AARS1: variants seen among roughly 807,000 people sequenced by gnomAD.
The protein encoded by AARS1 is alanine--tRNA ligase, cytoplasmic.
A neutral mutation model predicts 108.9 loss-of-function variants in AARS1; 72 were observed. The ratio of observed to expected loss-of-function variants is 0.66; its 90% CI spans 0.55 to 0.80. The LOEUF is 0.80. Among genes scored for constraint, AARS1 ranks in the 30% least tolerant of loss-of-function variants. The probability of loss-of-function intolerance (pLI) is 0.00; values close to 1 mark genes in which losing one functional copy is unlikely to be tolerated. For missense variants in AARS1, 1,193 were observed against 1,233.2 expected, an observed-to-expected ratio of 0.97 and a Z score of 0.49; for synonymous variants, 489 against 465.7, an observed-to-expected ratio of 1.05 and a Z score of -0.64.
chr16:70,256,650 C>G (rs550892543), intron 15 of AARS1, among the ~76,000 whole-genome samples: 31 of 152,194 alleles, frequency 2.0e-4, no homozygotes, highest in Admixed American at 1.8e-3. Flanking sequence ...AGGGTATGAG[C>G]AAACAGGTAA....
rs202062460 is a variant in AARS1, at chr16:70,256,978, G to A, written c.2177+1055C>T. 3.9e-5 allele frequency among the ~76,000 whole-genome samples: 6 copies of A among 152,122 alleles called. No individual in the cohort carries two copies. In the East Asian group the frequency reaches 9.7e-4, roughly 25 times the overall value. On this transcript the variant is annotated intron_variant, in intron 15 of 20. Coordinates refer to ENST00000261772, the MANE Select transcript of AARS1 (RefSeq NM_001605.3). The stretch of plus-strand genomic sequence containing the variant: ...AAAAATACAAAATTAGGCCAGGCAC[G>A]GTGGCTCACACCTGTAATCCCAGCA...
At position 70,271,810 on chromosome 16, in the gene AARS1, G is replaced by C. The variant is rs758977241; in HGVS notation, c.642C>G (p.Ile214Met). ...TATACTGGATGAACACAAGGTTCCA[G>C]ATCTCCAGCACATTAGGGTCGTCCT... ...VNQDDPNVLE[I>M]WNLVFIQYNR... Residue 214 changes from isoleucine (I) to methionine (M), a missense_variant, in exon 5 of 21, where the codon ATC becomes ATG. By Grantham distance (10) the Ile-to-Met change is conservative (BLOSUM62 1). Coordinates refer to ENST00000261772, the MANE Select transcript of AARS1 (RefSeq NM_001605.3). The C allele has an allele frequency of 6.8e-6, 11 of 1,613,760 alleles. No individual in the cohort carries two copies. The highest frequency in any genetic ancestry group is 1.7e-5 in the Admixed American group (1 of 59,958).
intron 6 of AARS1, among the ~76,000 whole-genome samples, 196 bp from the exon 7 acceptor site, chr16:70,269,959 T>G (rs1960357189): frequency 6.6e-6 from 1 of 151,982 alleles, no homozygotes; most frequent in African/African-American, 2.4e-5. Context: ...TTATACTGTC[T>G]CAGGTCTAGA....
chr16:70,268,354 G>C lies in AARS1; in HGVS notation c.988C>G (p.Arg330Gly). Residue 330 changes from arginine (R) to glycine (G), a missense_variant, in exon 8 of 21, where the codon CGA (arginine) becomes GGA (glycine). By Grantham distance (125) the Arg-to-Gly change is moderately radical (BLOSUM62 -2). Coordinates refer to ENST00000261772, the MANE Select transcript of AARS1 (RefSeq NM_001605.3). Reference sequence around the variant, plus strand: ...TTTTCATGGGCGTATCGGACAGCTCGGCGGAGAATCCGTCTCAACACATAT... The same window carrying C: ...TTTTCATGGGCGTATCGGACAGCTCCGCGGAGAATCCGTCTCAACACATAT... ...RGYVLRRILR[R>G]AVRYAHEKLN... The C allele has an allele frequency of 6.2e-7, 1 of 1,614,132 alleles. No homozygotes were observed. Among genetic ancestry groups the C allele is most frequent in the Non-Finnish European group, 8.5e-7 (1 of 1,180,016 alleles).
At chr16:70,253,505 A>G (rs913190374) in intron 19 of AARS1, 124 bp from the exon 20 acceptor site, 13 of 1,067,640 alleles carry the variant, frequency 1.2e-5, no homozygotes, top group Non-Finnish European at 1.8e-5. Context: ...GGCTGTGCCC[A>G]GGGCCTGTGG....
chr16:70,258,468 T>G (rs1005394788), intron 14 of AARS1, among the ~76,000 whole-genome samples: 8 of 152,116 alleles, frequency 5.3e-5, no homozygotes, highest in African/African-American at 1.9e-4. Context: ...GCTCTGGTTC[T>G]CCCAAGGTGG....
At chr16:70,259,262 G>A (rs531124165) in intron 13 of AARS1, 76 bp from the exon 14 acceptor site, 21 of 1,456,208 alleles carry the variant, frequency 1.4e-5, no homozygotes, top group East Asian at 1.1e-4. Flanking sequence ...GCTCCCCCGA[G>A]TGCTACAATT....
chr16:70,270,175 T>A, intron 6 of AARS1, 21 bp downstream of exon 6: 1 of 1,614,016 alleles, frequency 6.2e-7, no homozygotes, highest in South Asian at 1.1e-5. Flanking sequence ...AAGTTTACAA[T>A]GTTTGCAATA....
At chr16:70,289,267 G>T (rs902775901) in intron 1 of AARS1, among the ~76,000 whole-genome samples, 154 bp downstream of exon 1, 4 of 152,142 alleles carry the variant, frequency 2.6e-5, no homozygotes, top group African/African-American at 9.7e-5. Context: ...CGAACGCAAG[G>T]CCACACTGTC....
At chr16:70,285,891 G>C (rs1960827613) in intron 1 of AARS1, among the ~76,000 whole-genome samples, 1 of 152,338 alleles carries the variant, frequency 6.6e-6, no homozygotes, top group Non-Finnish European at 1.5e-5. Context: ...AAATACAATA[G>C]AGATGTACAA....
At position 70,252,618 on chromosome 16, in the gene AARS1, T is replaced by C. The variant is rs1959868028; in HGVS notation, c.*103A>G. The C allele has an allele frequency of 1.3e-5, 17 of 1,324,822 alleles. No homozygotes were observed. The South Asian group carries it at 2.0e-4, about 16-fold the overall frequency. 82.1% of individuals were successfully genotyped at this position (1,324,822 alleles called of 1,614,324 possible). A position where few individuals can be genotyped will look rare whatever the true frequency, so the allele number is the denominator to read the frequency against. On this transcript the variant is annotated 3_prime_UTR_variant, in exon 21 of 21. Coordinates refer to ENST00000261772, the MANE Select transcript of AARS1 (RefSeq NM_001605.3). Reference sequence around the variant, plus strand: ...AAGTGTGTTCCAGTTACTGCTGGGTTAGGAGGGGCTCTTTAAAGGTCCCAA... The same window carrying C: ...AAGTGTGTTCCAGTTACTGCTGGGTCAGGAGGGGCTCTTTAAAGGTCCCAA...
At chr16:70,283,080 T>C (rs575671963) in intron 1 of AARS1, among the ~76,000 whole-genome samples, 13 of 152,238 alleles carry the variant, frequency 8.5e-5, no homozygotes, top group Admixed American at 7.2e-4. Context: ...CTGCTCTGTG[T>C]CAGGCCCGAG....
chr16:70,270,114 C>T (rs1217360000), intron 6 of AARS1, 82 bp downstream of exon 6: 9 of 1,548,090 alleles, frequency 5.8e-6, no homozygotes, highest in Non-Finnish European at 8.0e-6. Context: ...AGCATATGGT[C>T]ATTTTTTCTT....
intron 2 of AARS1, 109 bp downstream of exon 2, chr16:70,282,511 A>G: frequency 3.7e-6 from 5 of 1,356,920 alleles, no homozygotes; most frequent in Non-Finnish European, 5.2e-6. Context: ...ACAAGATCAC[A>G]CAGGGAGTGA....
At chr16:70,262,021 A>G (rs551709188) in intron 12 of AARS1, among the ~76,000 whole-genome samples, 5 of 152,310 alleles carry the variant, frequency 3.3e-5, no homozygotes, top group East Asian at 1.9e-4. Context: ...CTAGGGAGAC[A>G]AAGTAACTCA....
chr16:70,253,409 G>A (rs561684380), intron 19 of AARS1, 28 bp from the exon 20 acceptor site: 61 of 1,562,302 alleles, frequency 3.9e-5, no homozygotes, highest in East Asian at 1.1e-4. Flanking sequence ...CTCAGGCCAC[G>A]GTGCTGGAGC....
Position 70,258,104 on chromosome 16 carries a change from C to T in AARS1, c.2106G>A (p.Pro702=), listed in dbSNP as rs746709009. The change falls in exon 15 of 21, where the codon CCG becomes CCA. Residue 702 remains proline (P), a synonymous_variant. Transcript: ENST00000261772. ...AGGGGTCATCCAGCAACTCGGACAC[C>T]GGGACCCCAATGGAGACGACTCGCA... The part of the protein sequence containing the change: ...DPVRVVSIGV[P]VSELLDDPSG... 2.2e-5 allele frequency: 35 copies of T among 1,613,842 alleles called. No individual in the cohort carries two copies. Among genetic ancestry groups the T allele is most frequent in the East Asian group, 8.9e-5 (4 of 44,878 alleles).
intron 17 of AARS1, 123 bp from the exon 18 acceptor site, chr16:70,254,161 CTT>C (rs1959920704): frequency 7.5e-7 from 1 of 1,329,958 alleles, no homozygotes. Flanking sequence ...GCAAGGAAAG[CTT>C]TGAGACCAGT....
chr16:70,267,864 C>A (rs956773695), intron 8 of AARS1, 55 bp from the exon 9 acceptor site: 3 of 1,612,610 alleles, frequency 1.9e-6, no homozygotes, highest in South Asian at 1.1e-5. Flanking sequence ...CTGTTCCCTG[C>A]CCCGTCTTAA....
Sources: gnomAD v4.1 joint callset for allele counts (sites outside exome capture counted in the v4.1 genomes callset) on GRCh38, gnomAD v4.1.1 for gene constraint, MANE v1.5 for transcripts, NCBI Gene and HGNC (gene_info 2026-07-23, HGNC 2026-07-21) for gene names.